STK33: variants seen among roughly 807,000 people sequenced by gnomAD.
The protein encoded by STK33 is serine/threonine kinase 33.
Under a neutral mutation model 58.0 loss-of-function variants are expected in STK33, and 52 were observed. The ratio of observed to expected loss-of-function variants is 0.90; its 90% confidence interval spans 0.72 to 1.13. The LOEUF (loss-of-function observed/expected upper bound fraction) is 1.13. STK33 is among the 50% of genes most tolerant of loss of function. STK33 has a pLI of 0.00. For missense variants in STK33, 630 were observed against 604.2 expected (o/e 1.04, Z -0.45); for synonymous variants, 215 against 200.1 (o/e 1.07, Z -0.63).
chr11:8,483,639 G>A (rs370431362), intron 1 of STK33, among the ~76,000 whole-genome samples: 1 of 152,158 alleles, frequency 6.6e-6, no homozygotes, highest in Admixed American at 6.5e-5. Flanking sequence ...GGGGCACAGG[G>A]CATCAATGTC....
At chr11:8,537,519 C>T (rs1398086495) in intron 1 of STK33, among the ~76,000 whole-genome samples, 4 of 152,134 alleles carry the variant, frequency 2.6e-5, no homozygotes, top group Non-Finnish European at 5.9e-5. Context: ...GTGTCTGTTA[C>T]TGACTTTTCT....
chr11:8,430,821 A>C (rs1943327884), intron 14 of STK33, among the ~76,000 whole-genome samples: 1 of 151,890 alleles, frequency 6.6e-6, no homozygotes, highest in African/African-American at 2.4e-5. Context: ...TTGAATACTG[A>C]GTAAATCCCC....
chr11:8,484,903 T>C (rs1182521355), intron 1 of STK33, among the ~76,000 whole-genome samples: 1 of 152,180 alleles, frequency 6.6e-6, no homozygotes, highest in Non-Finnish European at 1.5e-5. Context: ...TAGTAGATTA[T>C]ACAATTTCAC....
At chr11:8,520,583 A>G (rs1263162475) in intron 1 of STK33, among the ~76,000 whole-genome samples, 1 of 152,196 alleles carries the variant, frequency 6.6e-6, no homozygotes, top group Non-Finnish European at 1.5e-5. Flanking sequence ...ATGATTGTAT[A>G]TTTAGAAAAC....
chr11:8,385,730 G>A, the STK33 span, among the ~76,000 whole-genome samples: 2 of 151,844 alleles, frequency 1.3e-5, no homozygotes, highest in East Asian at 3.9e-4. Context: ...CATGGTAGGT[G>A]GCCAACAACT....
intron 11 of STK33, among the ~76,000 whole-genome samples, chr11:8,446,648 C>A (rs1945509884): frequency 6.6e-6 from 1 of 152,060 alleles, no homozygotes; most frequent in Non-Finnish European, 1.5e-5. Context: ...GAACAGAGGC[C>A]TCAGAAATAA....
intron 1 of STK33, among the ~76,000 whole-genome samples, chr11:8,494,582 T>C (rs1490862921): frequency 6.6e-6 from 1 of 152,096 alleles, no homozygotes; most frequent in Non-Finnish European, 1.5e-5. Flanking sequence ...CTTCACAGAA[T>C]TGGAAAAAAC....
intron 1 of STK33, among the ~76,000 whole-genome samples, chr11:8,519,128 T>C (rs1157868936): frequency 1.3e-5 from 2 of 152,060 alleles, no homozygotes; most frequent in African/African-American, 4.8e-5. Flanking sequence ...GAACAGAAAT[T>C]ATAACAAACT....
At chr11:8,491,693 G>C (rs1478714405) in intron 1 of STK33, among the ~76,000 whole-genome samples, 3 of 152,192 alleles carry the variant, frequency 2.0e-5, no homozygotes, top group Non-Finnish European at 4.4e-5. Context: ...GGCAGCCAGA[G>C]AGAAAGGTCA....
intron 8 of STK33, 53 bp downstream of exon 8, chr11:8,461,752 T>G (rs1006772418): frequency 3.6e-6 from 5 of 1,386,514 alleles, no homozygotes; most frequent in Non-Finnish European, 3.9e-6. Flanking sequence ...TGGAATGATA[T>G]TCATTTTGTA....
chr11:8,336,905 G>A, the STK33 span, among the ~76,000 whole-genome samples: 3 of 152,350 alleles, frequency 2.0e-5, no homozygotes, highest in Admixed American at 2.0e-4. Context: ...CCCCGAGGCC[G>A]GTAATGAGGA....
chr11:8,419,238 C>T (rs540826510), intron 14 of STK33, among the ~76,000 whole-genome samples: 105 of 152,210 alleles, frequency 6.9e-4, no homozygotes, highest in Non-Finnish European at 1.1e-3. Flanking sequence ...GTATTTAGTC[C>T]ATCTTGACCT....
intron 1 of STK33, among the ~76,000 whole-genome samples, chr11:8,511,790 G>A (rs545358204): frequency 2.0e-5 from 3 of 152,162 alleles, no homozygotes; most frequent in African/African-American, 7.2e-5. Context: ...TTACTGACTT[G>A]TATTAAACCA....
At chr11:8,479,223 A>G (rs1342745022) in intron 2 of STK33, among the ~76,000 whole-genome samples, 1 of 152,072 alleles carries the variant, frequency 6.6e-6, no homozygotes, top group African/African-American at 2.4e-5. Context: ...CATCCTGGCC[A>G]ACATCCTGAC....
In STK33 at chr11:8,421,462, T is replaced by C. The variant is rs185399225; in HGVS notation, c.1147-7770A>G. The stretch of plus-strand genomic sequence containing the variant: ...AAAGTTCCAGATACACCTGGATATG[T>C]TTCTGTACTCTGTTTTATTCTGTTT... On this transcript the variant is annotated intron_variant, in intron 14 of 15. Coordinates refer to ENST00000687296, the MANE Select transcript of STK33 (RefSeq NM_001352389.2). Among the ~76,000 whole-genome samples, 244 of 152,318 alleles carry C rather than the reference T, an allele frequency of 1.6e-3. 1 individual carries two copies. Among genetic ancestry groups the C allele is most frequent in the Non-Finnish European group, 3.0e-3 (206 of 68,032 alleles).
At chr11:8,514,663 C>T (rs1440694225) in intron 1 of STK33, among the ~76,000 whole-genome samples, 3 of 152,210 alleles carry the variant, frequency 2.0e-5, no homozygotes, top group African/African-American at 7.2e-5. Context: ...ATTGAGTTGA[C>T]GTGATCCTGG....
intron 1 of STK33, among the ~76,000 whole-genome samples, chr11:8,485,664 G>T (rs892654561): frequency 2.0e-5 from 3 of 152,140 alleles, no homozygotes; most frequent in Non-Finnish European, 2.9e-5. Context: ...AATCTCAATA[G>T]GAAATACAAG....
In STK33 at chr11:8,474,731, T is replaced by C. The variant is rs1461451489; in HGVS notation, c.175A>G (p.Arg59Gly). ...CTGTTGATATTTTTTTCTTTTTTTC[T>C]CTCCAGTGAAATTAAAGATTCTGCA... ...GSAESLISLE[R>G]KKEKNINRDI... is the part of the protein sequence containing the mutation. The change falls in exon 5 of 16, where the codon AGA becomes GGA. Residue 59 changes from arginine to glycine, a missense_variant. Coordinates refer to ENST00000687296, the MANE Select transcript of STK33 (RefSeq NM_001352389.2). 5 of 1,612,226 alleles carry C rather than the reference T, an allele frequency of 3.1e-6. No homozygotes were observed. The highest frequency in any genetic ancestry group is 1.1e-5 in the South Asian group (1 of 90,384).
chr11:8,415,033 C>G (rs556026557), intron 14 of STK33, among the ~76,000 whole-genome samples: 15 of 152,056 alleles, frequency 9.9e-5, no homozygotes, highest in Non-Finnish European at 1.5e-4. Context: ...CTCATCTGAA[C>G]GGGTTCTGCT....
Sources: gnomAD v4.1 joint callset for allele counts (sites outside exome capture counted in the v4.1 genomes callset) on GRCh38, gnomAD v4.1.1 for gene constraint, MANE v1.5 for transcripts, NCBI Gene and HGNC (gene_info 2026-07-23, HGNC 2026-07-21) for gene names.